GJB7: variants seen among roughly 807,000 people sequenced by gnomAD.
GJB7 encodes gap junction protein beta 7.
For synonymous variants in GJB7, 87 were observed against 95.2 expected, an observed-to-expected ratio of 0.91 and a Z score of 0.50; for missense variants, 253 against 256.8, an observed-to-expected ratio of 0.99 and a Z score of 0.10.
chr6:87,294,724 C>A (rs965403409), intron 2 of GJB7, among the ~76,000 whole-genome samples: 1 of 152,172 alleles, frequency 6.6e-6, no homozygotes, highest in Non-Finnish European at 1.5e-5. Context: ...TGAGGACATC[C>A]CTAACTATGT....
intron 2 of GJB7, among the ~76,000 whole-genome samples, chr6:87,301,242 C>G (rs1776319655): frequency 6.6e-6 from 1 of 152,104 alleles, no homozygotes; most frequent in African/African-American, 2.4e-5. Context: ...ATCGCCTCAC[C>G]CGGGAAGCAC....
At chr6:87,302,191 G>A (rs1296217942) in intron 2 of GJB7, among the ~76,000 whole-genome samples, 3 of 152,206 alleles carry the variant, frequency 2.0e-5, no homozygotes, top group East Asian at 1.9e-4. Context: ...TGACTTTGAC[G>A]AGTTGAGAGA....
rs76681453 is a variant in GJB7 at position 87,309,032 on chromosome 6, C to G, written c.-28+13834G>C. Among the ~76,000 whole-genome samples, 725 of 152,280 alleles carry G rather than the reference C, an allele frequency of 4.8e-3. 8 individuals are homozygous for G. Among genetic ancestry groups the G allele is most frequent in the African/African-American group, 0.016 (682 of 41,544 alleles). On this transcript the variant is annotated intron_variant, in intron 2 of 2. Transcript: ENST00000525899. ...ATGAATACTGGAAGTGTCCCTCTGG[C>G]TGGGCTGAATTCCCTTTCTTGCATG...
chr6:87,284,671 A>T lies in GJB7; in HGVS notation c.242T>A (p.Leu81Gln). The change falls in exon 3 of 3, where the codon CTG becomes CAG. Residue 81 changes from leucine to glutamine, a missense_variant. By Grantham distance (113) the Leu-to-Gln change is moderately radical. Transcript: ENST00000525899. Reference sequence around the variant, plus strand: ...AAGTGAAGGTGTGGAGACCATTATCAGTTGTAAGGCCCAAAGTCTGACTTG... The same window carrying T: ...AAGTGAAGGTGTGGAGACCATTATCTGTTGTAAGGCCCAAAGTCTGACTTG... ...ISQVRLWALQ[L>Q]IMVSTPSLLV... is the part of the protein sequence containing the mutation. 8 of 1,614,166 alleles carry T rather than the reference A, an allele frequency of 5.0e-6. No individual in the cohort carries two copies. Among genetic ancestry groups the T allele is most frequent in the Non-Finnish European group, 6.8e-6 (8 of 1,180,020 alleles).
chr6:87,324,915 A>T (rs1008190120), intron 1 of GJB7, among the ~76,000 whole-genome samples: 17 of 152,200 alleles, frequency 1.1e-4, no homozygotes, highest in Non-Finnish European at 1.6e-4. Flanking sequence ...TGGAATGTTC[A>T]TCCATTTGTT....
At chr6:87,327,900 C>A (rs9344701) in intron 1 of GJB7, among the ~76,000 whole-genome samples, 9,212 of 149,474 alleles carry the variant, frequency 0.062, 291 homozygotes, top group East Asian at 0.13. Flanking sequence ...ACCAATCAGA[C>A]GTAGATTTGG....
chr6:87,303,924 T>C (rs1222062719), intron 2 of GJB7, among the ~76,000 whole-genome samples: 2 of 152,182 alleles, frequency 1.3e-5, no homozygotes, highest in Non-Finnish European at 2.9e-5. Context: ...CCTGAATGAC[T>C]ACAGGGTACA....
At chr6:87,298,346 G>A (rs1216846207) in intron 2 of GJB7, among the ~76,000 whole-genome samples, 1 of 152,150 alleles carries the variant, frequency 6.6e-6, no homozygotes, top group African/African-American at 2.4e-5. Context: ...GCCAAGAAGT[G>A]GAGAACCAAG....
At chr6:87,298,868 C>T (rs1161335547) in intron 2 of GJB7, 5 of 381,742 alleles carry the variant, frequency 1.3e-5, no homozygotes, top group Non-Finnish European at 2.6e-5. Context: ...AAATTTGGTG[C>T]AGATTCCCAA....
chr6:87,318,119 AT>A (rs34345524), intron 2 of GJB7, among the ~76,000 whole-genome samples: 10,187 of 144,174 alleles, frequency 0.071, 419 homozygotes, highest in Middle Eastern at 0.14. Flanking sequence ...TCCCCATTCT[AT>A]TTTTTTTTTT....
intron 2 of GJB7, among the ~76,000 whole-genome samples, chr6:87,304,714 C>T (rs1030707037): frequency 1.3e-5 from 2 of 152,090 alleles, no homozygotes; most frequent in African/African-American, 2.4e-5. Context: ...CTGGCAGAGA[C>T]ACAACAAAAA....
At chr6:87,327,319 C>G (rs184750640) in intron 1 of GJB7, among the ~76,000 whole-genome samples, 4 of 151,622 alleles carry the variant, frequency 2.6e-5, no homozygotes, top group South Asian at 2.1e-4. Context: ...TATGTTAGCT[C>G]GTTATTTTGC....
chr6:87,291,311 T>C (rs1283561244), intron 2 of GJB7, among the ~76,000 whole-genome samples: 1 of 152,220 alleles, frequency 6.6e-6, no homozygotes, highest in East Asian at 1.9e-4. Context: ...AATAATTGTA[T>C]ATTAAAAAAA....
chr6:87,305,709 G>A (rs1238743369), intron 2 of GJB7, among the ~76,000 whole-genome samples: 13 of 152,102 alleles, frequency 8.5e-5, no homozygotes, highest in African/African-American at 3.1e-4. Flanking sequence ...AAAAGAGCCA[G>A]CATTGCCAAG....
intron 1 of GJB7, among the ~76,000 whole-genome samples, chr6:87,324,781 A>T (rs892145091): frequency 6.6e-6 from 1 of 152,132 alleles, no homozygotes; most frequent in Admixed American, 6.5e-5. Flanking sequence ...ATGAACTTTA[A>T]AGTAGCTTTT....
At chr6:87,286,816 ATTC>A (rs1776069282) in intron 2 of GJB7, among the ~76,000 whole-genome samples, 1 of 152,112 alleles carries the variant, frequency 6.6e-6, no homozygotes, top group African/African-American at 2.4e-5. Flanking sequence ...TGGTGGTTTT[ATTC>A]TTGCAAATGA....
intron 2 of GJB7, among the ~76,000 whole-genome samples, chr6:87,288,423 C>T (rs564756820): frequency 6.6e-6 from 1 of 152,216 alleles, no homozygotes; most frequent in South Asian, 2.1e-4. Flanking sequence ...GTTACCATGT[C>T]GGAAAATCAT....
chr6:87,301,208 G>A (rs1055389603), intron 2 of GJB7, among the ~76,000 whole-genome samples: 1 of 152,130 alleles, frequency 6.6e-6, no homozygotes, highest in Non-Finnish European at 1.5e-5. Flanking sequence ...AGCCCACCAA[G>A]TGTGAGCCAA....
At chr6:87,296,301 C>T (rs1776249221) in intron 2 of GJB7, among the ~76,000 whole-genome samples, 1 of 152,170 alleles carries the variant, frequency 6.6e-6, no homozygotes, top group South Asian at 2.1e-4. Context: ...TTCTTAACCA[C>T]TTTCACACAT....
Sources: gnomAD v4.1 joint callset for allele counts (sites outside exome capture counted in the v4.1 genomes callset) on GRCh38, gnomAD v4.1.1 for gene constraint, MANE v1.5 for transcripts, NCBI Gene and HGNC (gene_info 2026-07-23, HGNC 2026-07-21) for gene names.